The following CASP6 variants were observed in gnomAD, a reference collection of about 807,000 sequenced individuals.
CASP6 encodes caspase 6.
Under a neutral mutation model 31.8 loss-of-function variants are expected in CASP6, and 20 were observed. That is an observed-to-expected ratio of 0.63 (90% CI 0.44 to 0.91). The LOEUF is 0.91. Ranked by LOEUF, CASP6 falls within the 40% of genes least tolerant of loss-of-function variation. CASP6 has a pLI of 0.00. For missense variants in CASP6, 328 were observed against 361.1 expected (o/e 0.91, Z 0.74); for synonymous variants, 130 against 127.8 (o/e 1.02, Z -0.12).
the CASP6 span, chr4:109,682,826 G>A: frequency 9.7e-7 from 1 of 1,027,436 alleles, no homozygotes; most frequent in Non-Finnish European, 1.4e-6. Context: ...TTTTCTGAAT[G>A]CTTTCCATAT....
downstream of CASP6, among the ~76,000 whole-genome samples, chr4:109,686,444 T>C (rs907686690): frequency 6.6e-6 from 1 of 152,234 alleles, no homozygotes; most frequent in Admixed American, 6.5e-5. Flanking sequence ...CAGCCAAGCC[T>C]TTTTAAAAAA....
At chr4:109,674,968 C>A in the CASP6 span, among the ~76,000 whole-genome samples, 32 of 152,240 alleles carry the variant, frequency 2.1e-4, no homozygotes, top group Non-Finnish European at 4.1e-4. Flanking sequence ...AGACAGTATA[C>A]CCAAACTTTT....
chr4:109,696,696 T>G (rs1032002677), intron 3 of CASP6, among the ~76,000 whole-genome samples: 2 of 152,196 alleles, frequency 1.3e-5, no homozygotes, highest in Non-Finnish European at 2.9e-5. Flanking sequence ...ATTTAGAGTG[T>G]TGTTGTCTAC....
chr4:109,682,460 C>A, the CASP6 span: 4 of 760,956 alleles, frequency 5.3e-6, no homozygotes, highest in South Asian at 1.8e-5. Flanking sequence ...TGTTTGTACA[C>A]CAGCTTCCTT....
intron 5 of CASP6, among the ~76,000 whole-genome samples, chr4:109,693,681 T>A (rs1399495505): frequency 1.5e-5 from 2 of 129,966 alleles, no homozygotes; most frequent in Non-Finnish European, 3.2e-5. Flanking sequence ...CGAGACTCCA[T>A]CTCAAAAAAA....
At chr4:109,688,262 T>G (rs527641256), downstream of CASP6, 18 of 152,376 alleles carry the variant, frequency 1.2e-4, no homozygotes, top group Non-Finnish European at 2.1e-4. Flanking sequence ...ATTCAGATTC[T>G]ATATCATATT....
the CASP6 span, chr4:109,673,984 C>A: frequency 1.0e-6 from 1 of 969,002 alleles, no homozygotes. Context: ...ATTACACAAA[C>A]TGAAGAGCAG....
the CASP6 span, among the ~76,000 whole-genome samples, chr4:109,683,418 G>T: frequency 1.3e-5 from 2 of 151,754 alleles, no homozygotes; most frequent in Admixed American, 6.6e-5. Flanking sequence ...GACTTGTTTG[G>T]TTTTTTTTAT....
downstream of CASP6, among the ~76,000 whole-genome samples, chr4:109,686,384 C>G (rs554039937): frequency 1.3e-5 from 2 of 152,310 alleles, no homozygotes; most frequent in Admixed American, 1.3e-4. Context: ...AGTGATCCAC[C>G]TGCCTTGGCC....
chr4:109,706,040 T>TATATATATATAA (rs1202688202), upstream of CASP6, among the ~76,000 whole-genome samples: 2 of 97,940 alleles, frequency 2.0e-5, no homozygotes, highest in African/African-American at 7.5e-5. Context: ...ATAATATATA[T>TATATATATATAA]AAAATACATA....
chr4:109,691,069 T>C (rs538946684), intron 5 of CASP6, 60 bp from the exon 6 acceptor site: 6 of 1,537,756 alleles, frequency 3.9e-6, no homozygotes, highest in East Asian at 2.3e-5. Context: ...CAGTGCTTAA[T>C]GTGTGCAGTG....
upstream of CASP6, among the ~76,000 whole-genome samples, chr4:109,708,579 G>A (rs1053231216): frequency 6.6e-6 from 1 of 152,134 alleles, no homozygotes; most frequent in Non-Finnish European, 1.5e-5. Context: ...CAGTCCTTTG[G>A]CCTCACTTTC....
chr4:109,684,441 A>G, downstream of CASP6: 3 of 1,602,492 alleles, frequency 1.9e-6, no homozygotes, highest in Non-Finnish European at 2.6e-6. Context: ...ATTCCCCCTC[A>G]GGTGAAAGCT....
chr4:109,690,989 GTGC>G lies in CASP6; in HGVS notation c.501_503del (p.Gln167del). The G allele has an allele frequency of 6.2e-7, 1 of 1,611,876 alleles. No individual in the cohort carries two copies. The highest frequency in any genetic ancestry group is 8.5e-7 in the Non-Finnish European group (1 of 1,179,112). Reference sequence around the variant, plus strand: ...CATCCAAAGGAATGACTGGCACATCGTGCTGGTTTCCCCGACATGCCTACAAGA... The same window carrying G: ...CATCCAAAGGAATGACTGGCACATCGTGGTTTCCCCGACATGCCTACAAGA... On this transcript the variant is annotated inframe_deletion, in exon 6 of 7. Coordinates refer to ENST00000265164, the MANE Select transcript of CASP6 (RefSeq NM_001226.4).
chr4:109,687,776 G>T, downstream of CASP6: 1 of 580,046 alleles, frequency 1.7e-6, no homozygotes. Flanking sequence ...ACTTGCTAAT[G>T]TTAGAAAGGG....
downstream of CASP6, among the ~76,000 whole-genome samples, chr4:109,685,679 C>T (rs926824090): frequency 6.6e-6 from 1 of 152,182 alleles, no homozygotes; most frequent in African/African-American, 2.4e-5. Context: ...GGAAGGTGAA[C>T]ACTGTGATAA....
At chr4:109,684,304 C>T (rs532244531), downstream of CASP6, 136 of 579,588 alleles carry the variant, frequency 2.3e-4, no homozygotes, top group South Asian at 1.1e-3. Context: ...CCTCGTGATC[C>T]GCCCACCTCG....
intron 5 of CASP6, chr4:109,692,022 C>G (rs1730073157): frequency 6.6e-6 from 1 of 152,218 alleles, no homozygotes; most frequent in Non-Finnish European, 1.5e-5. Context: ...TACACGAATA[C>G]AGCCAGCCAA....
the CASP6 span, among the ~76,000 whole-genome samples, chr4:109,669,982 G>C: frequency 1.3e-5 from 2 of 152,134 alleles, no homozygotes; most frequent in African/African-American, 4.8e-5. Context: ...CAAGTTGCTA[G>C]TCCGATAATT....
Sources: allele counts gnomAD v4.1 joint callset (sites outside exome capture counted in the v4.1 genomes callset), GRCh38; gene constraint gnomAD v4.1.1; transcripts MANE v1.5; gene names NCBI Gene and HGNC (gene_info 2026-07-23, HGNC 2026-07-21).